The following CNBD1 variants were observed in gnomAD, a reference collection of about 807,000 sequenced individuals.
CNBD1 encodes the protein cyclic nucleotide binding domain containing 1, also known as cyclic nucleotide-binding domain-containing protein 1.
Under a neutral mutation model 54.4 loss-of-function variants are expected in CNBD1, and 71 were observed. The ratio of observed to expected loss-of-function variants is 1.30; its 90% confidence interval spans 1.08 to 1.59. The LOEUF (loss-of-function observed/expected upper bound fraction) is 1.59. Ranked by LOEUF, CNBD1 falls within the 40% of genes most tolerant of loss-of-function variation. CNBD1 has a pLI of 0.00. For synonymous variants in CNBD1, 182 were observed against 170.7 expected, an observed-to-expected ratio of 1.07 and a Z score of -0.51; for missense variants, 659 against 518.0, an observed-to-expected ratio of 1.27 and a Z score of -2.64.
At chr8:87,239,252 T>C (rs1807641185) in intron 6 of CNBD1, among the ~76,000 whole-genome samples, 1 of 152,214 alleles carries the variant, frequency 6.6e-6, no homozygotes, top group Non-Finnish European at 1.5e-5. Flanking sequence ...ATATGATTAC[T>C]GATAAACTTA....
chr8:87,364,793 C>A (rs983206954), intron 10 of CNBD1, among the ~76,000 whole-genome samples: 4 of 152,054 alleles, frequency 2.6e-5, no homozygotes, highest in African/African-American at 9.7e-5. Context: ...TCCCCCAGTT[C>A]CATCCACATT....
chr8:86,922,461 A>G (rs1809290795), intron 3 of CNBD1, among the ~76,000 whole-genome samples: 1 of 152,164 alleles, frequency 6.6e-6, no homozygotes, highest in East Asian at 1.9e-4. Context: ...ATAGAAATCT[A>G]ACATTGTCTC....
intron 4 of CNBD1, among the ~76,000 whole-genome samples, chr8:87,183,081 G>A (rs1308354119): frequency 6.6e-6 from 1 of 152,128 alleles, no homozygotes; most frequent in Non-Finnish European, 1.5e-5. Context: ...TTTGAATATG[G>A]TGAAAGGGCA....
intron 8 of CNBD1, among the ~76,000 whole-genome samples, chr8:87,290,604 T>A (rs1808767927): frequency 6.6e-6 from 1 of 152,162 alleles, no homozygotes; most frequent in African/African-American, 2.4e-5. Context: ...CTGGGGATGC[T>A]TGTTTGCAGC....
intron 4 of CNBD1, among the ~76,000 whole-genome samples, chr8:87,012,790 A>G (rs917104868): frequency 6.6e-6 from 1 of 152,164 alleles, no homozygotes; most frequent in Non-Finnish European, 1.5e-5. Flanking sequence ...AAATTTACCT[A>G]TAGCCTGGAA....
chr8:87,073,075 C>A (rs927253027), intron 4 of CNBD1, among the ~76,000 whole-genome samples: 2 of 151,528 alleles, frequency 1.3e-5, no homozygotes, highest in Non-Finnish European at 2.9e-5. Context: ...TCTTCAAGTT[C>A]TGCGATTCCT....
intron 4 of CNBD1, among the ~76,000 whole-genome samples, chr8:87,104,543 A>G (rs938423487): frequency 6.6e-6 from 1 of 152,186 alleles, no homozygotes; most frequent in African/African-American, 2.4e-5. Context: ...AAGTTGGTTG[A>G]TGAGACCAAT....
intron 4 of CNBD1, among the ~76,000 whole-genome samples, chr8:87,135,906 G>C (rs1323736637): frequency 6.6e-6 from 1 of 151,890 alleles, no homozygotes; most frequent in Non-Finnish European, 1.5e-5. Flanking sequence ...TTAAGACAAG[G>C]AATACATAGC....
At chr8:87,252,112 A>G (rs1252657325) in intron 6 of CNBD1, among the ~76,000 whole-genome samples, 9 of 152,050 alleles carry the variant, frequency 5.9e-5, no homozygotes. Flanking sequence ...ATTCATTTCT[A>G]TTTTTCCATT....
intron 4 of CNBD1, among the ~76,000 whole-genome samples, chr8:86,994,916 T>C (rs1332007898): frequency 6.6e-6 from 1 of 152,082 alleles, no homozygotes; most frequent in Admixed American, 6.6e-5. Flanking sequence ...AGGATATAGG[T>C]TGTGTGCTAC....
intron 2 of CNBD1, among the ~76,000 whole-genome samples, chr8:86,888,218 T>C (rs997603979): frequency 6.6e-6 from 1 of 152,196 alleles, no homozygotes; most frequent in South Asian, 2.1e-4. Context: ...CTCTCTACTT[T>C]AAAACATCTC....
intron 4 of CNBD1, among the ~76,000 whole-genome samples, chr8:87,100,628 A>G (rs1273050861): frequency 6.6e-6 from 1 of 152,024 alleles, no homozygotes; most frequent in African/African-American, 2.4e-5. Flanking sequence ...GGCACCTACT[A>G]CCATGCCTGG....
chr8:87,168,898 C>T (rs1813027186), intron 4 of CNBD1, among the ~76,000 whole-genome samples: 1 of 152,068 alleles, frequency 6.6e-6, no homozygotes, highest in Admixed American at 6.6e-5. Context: ...CATGGGCATA[C>T]AGATATCTCT....
intron 4 of CNBD1, among the ~76,000 whole-genome samples, chr8:87,109,664 G>T (rs946011980): frequency 6.7e-6 from 1 of 150,224 alleles, no homozygotes; most frequent in East Asian, 2.0e-4. Context: ...TCAGCCTCCC[G>T]AGTAGCTGGG....
intron 4 of CNBD1, among the ~76,000 whole-genome samples, chr8:86,946,670 ACT>A (rs1209883469): frequency 2.0e-5 from 3 of 151,630 alleles, no homozygotes; most frequent in Non-Finnish European, 4.4e-5. Flanking sequence ...GAATCTTATG[ACT>A]CTATTGGGAA....
chr8:87,366,451 C>G lies in CNBD1; in HGVS notation c.1303+12665C>G, dbSNP rs186075172. On this transcript the variant is annotated intron_variant, in intron 10 of 10. Transcript: ENST00000518476. ...CAATGAAGAATTCCTTCTGCTGACC[C>G]TCTCTCTCGTTTTGAATCTTTCTCT... 1.6e-3 allele frequency among the ~76,000 whole-genome samples: 244 copies of G among 152,126 alleles called. 1 individual carries two copies. The highest frequency in any genetic ancestry group is 5.7e-3 in the African/African-American group (236 of 41,522).
intron 2 of CNBD1, among the ~76,000 whole-genome samples, chr8:87,398,557 C>G (rs1185319096): frequency 6.6e-6 from 1 of 151,984 alleles, no homozygotes; most frequent in East Asian, 1.9e-4. Flanking sequence ...TATTTTCACT[C>G]TCAGTTGCTT....
At chr8:87,396,139 A>G (rs1249287058) in intron 2 of CNBD1, among the ~76,000 whole-genome samples, 1 of 151,936 alleles carries the variant, frequency 6.6e-6, no homozygotes, top group Admixed American at 6.6e-5. Flanking sequence ...TGTATAGAAG[A>G]GGAAATATTT....
rs186812084 is a variant in CNBD1, at chr8:87,228,915, G to A, written c.578-8004G>A. 2.3e-3 allele frequency among the ~76,000 whole-genome samples: 348 copies of A among 152,324 alleles called. 1 individual carries two copies. Among genetic ancestry groups the A allele is most frequent in the Non-Finnish European group, 3.9e-3 (264 of 68,034 alleles). ...GAGACTCTGTGGGGTAGGACCCTCC[G>A]AGCCAGGTGGGGGATATAATCTCAT... On this transcript the variant is annotated intron_variant, in intron 5 of 10. Transcript: ENST00000518476.
Sources: gnomAD v4.1 joint callset for allele counts (sites outside exome capture counted in the v4.1 genomes callset) on GRCh38, gnomAD v4.1.1 for gene constraint, MANE v1.5 for transcripts, NCBI Gene and HGNC (gene_info 2026-07-23, HGNC 2026-07-21) for gene names.